BTAF1: variants seen among roughly 807,000 people sequenced by gnomAD.
The protein encoded by BTAF1 is B-TFIID TATA-box binding protein associated factor 1.
A neutral mutation model predicts 227.1 loss-of-function variants in BTAF1; 38 were observed. That is an observed-to-expected ratio of 0.17 (90% CI 0.13 to 0.22). The LOEUF (loss-of-function observed/expected upper bound fraction) is 0.22, where lower values mean the gene tolerates loss of function less well. Ranked by LOEUF, BTAF1 falls within the 10% of genes least tolerant of loss-of-function variation. The pLI is 1.00. For missense variants in BTAF1, 1,598 were observed against 2,204.0 expected (o/e 0.73, Z 5.51); for synonymous variants, 742 against 751.9 (o/e 0.99, Z 0.21).
rs532186026 is a variant in BTAF1 at position 91,932,125 on chromosome 10, G to A, written c.15-3532G>A. Reference sequence around the variant, plus strand: ...GTCTGTGGGACAGTATCAGCAATTAGGTTAGAGAGGAGTCTAAGGTCTTTG... The same window carrying A: ...GTCTGTGGGACAGTATCAGCAATTAAGTTAGAGAGGAGTCTAAGGTCTTTG... On this transcript the variant is annotated intron_variant, in intron 1 of 37. Coordinates refer to ENST00000265990, the MANE Select transcript of BTAF1 (RefSeq NM_003972.3). 7.2e-5 allele frequency among the ~76,000 whole-genome samples: 11 copies of A among 152,302 alleles called. No individual in the cohort carries two copies. The South Asian group carries it at 2.3e-3, about 32-fold the overall frequency.
chr10:92,014,292 A>C (rs572597089), intron 32 of BTAF1, among the ~76,000 whole-genome samples: 8 of 152,272 alleles, frequency 5.3e-5, no homozygotes, highest in African/African-American at 1.9e-4. Flanking sequence ...GCAGGAGCAC[A>C]GTCATGGCTC....
Position 92,024,878 on chromosome 10 carries a change from T to C in BTAF1, c.4986T>C (p.His1662=). ...AAAGCATGCTTGATATAGTAGAGCA[T>C]GATCTCCTCAAACCTCACTTGCCCT... ...QLKSMLDIVE[H]DLLKPHLPSV... The change falls in exon 35 of 38, where the codon CAT becomes CAC. Residue 1662 remains histidine, a synonymous_variant. Transcript: ENST00000265990. 1 of 1,614,116 alleles carries C rather than the reference T, an allele frequency of 6.2e-7. No homozygotes were observed. The highest frequency in any genetic ancestry group is 1.6e-4 in the Middle Eastern group (1 of 6,062).
At chr10:91,931,197 C>G (rs958316172) in intron 1 of BTAF1, among the ~76,000 whole-genome samples, 2 of 152,120 alleles carry the variant, frequency 1.3e-5, no homozygotes, top group Admixed American at 6.6e-5. Context: ...GTACTCTTTC[C>G]TTTTTCTAGG....
rs752578807 is a variant in BTAF1 at position 92,008,129 on chromosome 10, A to G, written c.3667A>G (p.Ile1223Val). The part of the protein sequence containing the change: ...LIRLMPLEAG[I>V]PDPPNMSAEL... ...TTTAAAAAAATCATTTTAGGCAGGCATTCCAGACCCTCCAAACATGTCAGC... is the reference window on the plus strand; with the variant it reads ...TTTAAAAAAATCATTTTAGGCAGGCGTTCCAGACCCTCCAAACATGTCAGC... Residue 1223 changes from isoleucine (I) to valine (V), a missense_variant, in exon 26 of 38, where the codon ATT becomes GTT. Ile to Val is a conservative substitution (Grantham distance 29). Around this residue, in one of 10 missense-constraint regions of BTAF1, gnomAD observed 425 missense variants for 491.2 expected, o/e 0.87. Coordinates refer to ENST00000265990, the MANE Select transcript of BTAF1 (RefSeq NM_003972.3). 1.3e-6 allele frequency: 2 copies of G among 1,576,590 alleles called. No homozygotes were observed. The highest frequency in any genetic ancestry group is 2.1e-5 in the Admixed American group (1 of 47,550).
chr10:91,985,750 A>G (rs1445796222), intron 19 of BTAF1, among the ~76,000 whole-genome samples: 1 of 152,088 alleles, frequency 6.6e-6, no homozygotes, highest in African/African-American at 2.4e-5. Context: ...TTTATTGATC[A>G]TTTGTATATT....
chr10:91,924,067 G>C lies in BTAF1; in HGVS notation c.-10G>C. The C allele has an allele frequency of 6.2e-7, 1 of 1,608,244 alleles. No individual in the cohort carries two copies. The highest frequency in any genetic ancestry group is 8.5e-7 in the Non-Finnish European group (1 of 1,178,384). ...GGTCGCGGGGAGCTCCGAACCGCCG[G>C]CGCCCGGCCATGGCGGTCTCCAGGT... is the stretch of plus-strand genomic sequence containing the variant. On this transcript the variant is annotated 5_prime_UTR_variant, in exon 1 of 38. Coordinates refer to ENST00000265990, the MANE Select transcript of BTAF1 (RefSeq NM_003972.3).
At chr10:91,982,393 T>A (rs1589871279) in intron 17 of BTAF1, 168 bp downstream of exon 17, 1 of 1,047,028 alleles carries the variant, frequency 9.6e-7, no homozygotes, top group Non-Finnish European at 1.3e-6. Flanking sequence ...CTAATTATTT[T>A]AAAGCTTTAA....
chr10:91,959,995 T>A lies in BTAF1; in HGVS notation c.1104T>A (p.Arg368=), dbSNP rs767846449. ...GTCTGTAGGTTGTGGCACCAGTTCG[T>A]GAAACTTGTGCTCAAACATTAGGTG... ...FVSDEVVAPV[R]ETCAQTLGVV... The change falls in exon 11 of 38, where the codon CGT becomes CGA. Residue 368 remains arginine, a synonymous_variant. Transcript: ENST00000265990. The A allele has an allele frequency of 3.1e-6, 5 of 1,610,182 alleles. No homozygotes were observed. Among genetic ancestry groups the A allele is most frequent in the Non-Finnish European group, 8.5e-7 (1 of 1,178,114 alleles).
At chr10:91,980,705 T>G (rs531927856) in intron 15 of BTAF1, 147 bp downstream of exon 15, 1 of 637,700 alleles carries the variant, frequency 1.6e-6, no homozygotes, top group African/African-American at 1.8e-5. Context: ...AGAACTAGGC[T>G]TCTTACATGT....
At chr10:91,954,899 A>T (rs1279321380) in intron 6 of BTAF1, among the ~76,000 whole-genome samples, 2 of 152,226 alleles carry the variant, frequency 1.3e-5, no homozygotes, top group Admixed American at 6.5e-5. Flanking sequence ...CTGTTAAATA[A>T]GAATCTTTAG....
At position 91,996,472 on chromosome 10, in the gene BTAF1, C is replaced by G. The variant is rs184989067; in HGVS notation, c.3413C>G (p.Thr1138Ser). ...GTAGGTGTCATGAGCAAAATAGCTA[C>G]CATGGAAACAATGAATATTTTTTTG... ...RCVGVMSKIATMETMNIFLEK... is the reference protein window; with the variant it reads ...RCVGVMSKIASMETMNIFLEK... Residue 1138 changes from threonine to serine, a missense_variant, in exon 24 of 38, where the codon ACC becomes AGC. Physicochemically the swap from Thr to Ser is moderately conservative, Grantham distance 58. This residue lies in a region of BTAF1 where 425 missense variants were observed against 491.2 expected (regional missense o/e 0.87). Coordinates refer to ENST00000265990, the MANE Select transcript of BTAF1 (RefSeq NM_003972.3). 5.6e-5 allele frequency: 91 copies of G among 1,614,072 alleles called. 1 individual carries two copies. The East Asian group carries it at 1.1e-3, about 19-fold the overall frequency.
intron 14 of BTAF1, among the ~76,000 whole-genome samples, chr10:91,967,951 T>C (rs775158331): frequency 6.6e-6 from 1 of 152,168 alleles, no homozygotes; most frequent in Non-Finnish European, 1.5e-5. Flanking sequence ...TGAATACCCT[T>C]TTATCCCTCC....
chr10:91,958,919 G>A, intron 8 of BTAF1, 146 bp from the exon 9 acceptor site: 1 of 700,256 alleles, frequency 1.4e-6, no homozygotes, highest in South Asian at 1.9e-5. Context: ...TTCTTAGATA[G>A]TTGAAGAAAA....
At chr10:91,978,447 T>C (rs1847839074) in intron 14 of BTAF1, among the ~76,000 whole-genome samples, 1 of 152,158 alleles carries the variant, frequency 6.6e-6, no homozygotes, top group Non-Finnish European at 1.5e-5. Context: ...ATTATTTGCT[T>C]ATTGCTGTTA....
chr10:91,939,342 TA>T, intron 2 of BTAF1, among the ~76,000 whole-genome samples: 1 of 152,376 alleles, frequency 6.6e-6, no homozygotes, highest in East Asian at 1.9e-4. Flanking sequence ...CAATTCTTTG[TA>T]TTAAGTAATG....
chr10:91,963,047 A>G (rs145529438), intron 12 of BTAF1, among the ~76,000 whole-genome samples: 30 of 151,304 alleles, frequency 2.0e-4, no homozygotes, highest in Non-Finnish European at 1.8e-4. Flanking sequence ...TCCTCCTCTC[A>G]TTATTAATTA....
chr10:91,947,704 A>G (rs944585052), intron 4 of BTAF1, among the ~76,000 whole-genome samples: 2 of 135,216 alleles, frequency 1.5e-5, no homozygotes, highest in Admixed American at 8.3e-5. Context: ...GCATTTCCAT[A>G]TGAATTTTAG....
chr10:91,956,894 G>A (rs1391211664), intron 7 of BTAF1, among the ~76,000 whole-genome samples: 1 of 152,100 alleles, frequency 6.6e-6, no homozygotes, highest in East Asian at 1.9e-4. Flanking sequence ...GGAGGCTGAG[G>A]TAGGAGAATC....
Position 91,989,648 on chromosome 10 carries a change from G to T in BTAF1, c.2854+68G>T, listed in dbSNP as rs565563509. ...TAAATTTGTTTTTGTTTACTTATGGGTATAATTTAAGCACAAATCCAGTTC... is the reference window on the plus strand; with the variant it reads ...TAAATTTGTTTTTGTTTACTTATGGTTATAATTTAAGCACAAATCCAGTTC... On this transcript the variant is annotated intron_variant, in intron 20 of 37. Coordinates refer to ENST00000265990, the MANE Select transcript of BTAF1 (RefSeq NM_003972.3). 4.7e-5 allele frequency: 65 copies of T among 1,394,004 alleles called. 1 individual carries two copies. In the Admixed American group the frequency reaches 1.3e-3, roughly 29 times the overall value. The allele number at this position is 1,394,004 out of a possible 1,614,324, so 86.4% of individuals were successfully genotyped here. A position where few individuals can be genotyped will look rare whatever the true frequency, so the allele number is the denominator to read the frequency against.
Sources: allele counts gnomAD v4.1 joint callset (sites outside exome capture counted in the v4.1 genomes callset), GRCh38; gene constraint gnomAD v4.1.1; regional missense constraint gnomAD v4.1.1; transcripts MANE v1.5; gene names NCBI Gene and HGNC (gene_info 2026-07-23, HGNC 2026-07-21).